The following ARHGEF10L variants were observed in gnomAD, a reference collection of about 807,000 sequenced individuals.
ARHGEF10L encodes the protein rho guanine nucleotide exchange factor 10-like protein.
In ARHGEF10L, 69 loss-of-function variants were observed where a neutral mutation model predicts 141.2. The observed-to-expected ratio is 0.49, with a 90% CI of 0.40 to 0.60. The LOEUF is 0.60. ARHGEF10L is among the 20% of genes least tolerant of loss of function. The pLI is 0.00. For missense variants in ARHGEF10L, 1,482 were observed against 1,734.3 expected (o/e 0.85, Z 2.58); for synonymous variants, 711 against 718.5 (o/e 0.99, Z 0.17).
rs1359623237 is a variant in ARHGEF10L at position 17,621,293 on chromosome 1, C to T, written c.943-571C>T. Among the ~76,000 whole-genome samples the T allele has an allele frequency of 4.6e-5, 7 of 152,078 alleles. No homozygotes were observed. The highest frequency in any genetic ancestry group is 1.9e-4 in the East Asian group (1 of 5,192). On this transcript the variant is annotated intron_variant, in intron 10 of 28. Transcript: ENST00000361221. The surrounding 1 kb of genome is among the most constrained non-coding windows in gnomAD (Gnocchi z 4.1). ...TGTTGCCCAGGCTGGAGTGCAGTGG[C>T]GCGATCTTGGCCCACTGCAACCTCT...
chr1:17,634,622 A>T, intron 17 of ARHGEF10L, 60 bp downstream of exon 17: 1 of 1,598,764 alleles, frequency 6.3e-7, no homozygotes, highest in Non-Finnish European at 8.5e-7. Flanking sequence ...CTCTGGTGCC[A>T]TGTGATTCTG....
At chr1:17,529,299 G>A in the ARHGEF10L span, among the ~76,000 whole-genome samples, 4 of 152,250 alleles carry the variant, frequency 2.6e-5, no homozygotes, top group South Asian at 2.1e-4. Flanking sequence ...CACCACATCC[G>A]GCCAATTAAG....
At position 17,624,516 on chromosome 1, in the gene ARHGEF10L, G is replaced by C. The variant is rs1290351268; in HGVS notation, c.1317+13G>C. The C allele has an allele frequency of 6.2e-7, 1 of 1,607,608 alleles. No individual in the cohort carries two copies. Among genetic ancestry groups the C allele is most frequent in the East Asian group, 2.2e-5 (1 of 44,860 alleles). On this transcript the variant is annotated intron_variant, in intron 13 of 28. Transcript: ENST00000361221. ...CGAGTTCCTCAAGGTGGGCCTCCAT[G>C]GTGGTACCGTGCCTGGTCAGGGTGG...
chr1:17,620,412 G>T (rs2060044389), intron 10 of ARHGEF10L, among the ~76,000 whole-genome samples: 1 of 152,218 alleles, frequency 6.6e-6, no homozygotes. Flanking sequence ...GACCAGGGAA[G>T]CTGCTGAACA....
At chr1:17,667,458 A>G (rs1553233277) in intron 26 of ARHGEF10L, among the ~76,000 whole-genome samples, 1 of 152,222 alleles carries the variant, frequency 6.6e-6, no homozygotes, top group Non-Finnish European at 1.5e-5. Flanking sequence ...GGCCCGAGAC[A>G]GGAAGAAGCC....
chr1:17,686,074 TTTTTTTTC>T (rs1185176266), intron 26 of ARHGEF10L, among the ~76,000 whole-genome samples: 8 of 137,242 alleles, frequency 5.8e-5, no homozygotes, highest in African/African-American at 2.3e-4. Flanking sequence ...TTTTGTTTTG[TTTTTTTTC>T]TTTCTTTCTT....
intron 2 of ARHGEF10L, among the ~76,000 whole-genome samples, chr1:17,584,184 A>G (rs377517255): frequency 1.5e-3 from 226 of 151,880 alleles, no homozygotes; most frequent in African/African-American, 5.3e-3. Context: ...AGCTGGGACT[A>G]CAGGTGTATG....
rs2060134215 is a variant in ARHGEF10L at position 17,621,995 on chromosome 1, GGAGGGTAA to G, written c.1020+55_1020+62del. The G allele has an allele frequency of 1.3e-6, 2 of 1,590,274 alleles. No individual in the cohort carries two copies. The highest frequency in any genetic ancestry group is 2.7e-5 in the African/African-American group (2 of 74,440). On this transcript the variant is annotated intron_variant, in intron 11 of 28. Coordinates refer to ENST00000361221, the MANE Select transcript of ARHGEF10L (RefSeq NM_018125.4). The surrounding 1 kb of genome is among the most constrained non-coding windows in gnomAD (Gnocchi z 4.1). ...TCTGGGGAGAAGCAGGGAGGGCCCT[GGAGGGTAA>G]CTTTATACGGAGTGTTTGGGGACTG...
intron 1 of ARHGEF10L, among the ~76,000 whole-genome samples, chr1:17,567,662 C>G (rs1023987929): frequency 6.6e-6 from 1 of 152,178 alleles, no homozygotes; most frequent in Admixed American, 6.5e-5. Flanking sequence ...ACCACTGTGA[C>G]CAGCCTAGCA....
chr1:17,597,672 G>A (rs1444530461), intron 4 of ARHGEF10L, among the ~76,000 whole-genome samples: 2 of 152,184 alleles, frequency 1.3e-5, no homozygotes, highest in African/African-American at 4.8e-5. Context: ...TCAAACTGCC[G>A]CTGTGCCACT....
rs1484774419 is a variant in ARHGEF10L, at chr1:17,618,248, C to T, written c.836-1091C>T. The T allele has an allele frequency of 2.7e-5, 36 of 1,349,742 alleles. No homozygotes were observed. The East Asian group carries it at 1.0e-3, about 39-fold the overall frequency. The allele number at this position is 1,349,742 out of a possible 1,614,324, so 83.6% of individuals were successfully genotyped here. On this transcript the variant is annotated intron_variant, in intron 9 of 28. Transcript: ENST00000361221. The stretch of plus-strand genomic sequence containing the variant: ...CCAACCCCAGGCTGGCTAGGGCTCT[C>T]CTCAGCCCTCCCCACCCCGCCCACA...
At chr1:17,638,193 G>C (rs376739117) in intron 19 of ARHGEF10L, among the ~76,000 whole-genome samples, 190 bp downstream of exon 19, 1 of 152,354 alleles carries the variant, frequency 6.6e-6, no homozygotes. Context: ...TTTTGCGGCC[G>C]CTGGTTCGGG....
chr1:17,577,981 G>C (rs571313261), intron 1 of ARHGEF10L, among the ~76,000 whole-genome samples: 1 of 152,316 alleles, frequency 6.6e-6, no homozygotes, highest in East Asian at 1.9e-4. Context: ...TGAAGAAAGG[G>C]GAGGACATTG....
chr1:17,598,686 C>T (rs1219579791), intron 4 of ARHGEF10L, among the ~76,000 whole-genome samples: 19 of 151,938 alleles, frequency 1.3e-4, no homozygotes, highest in Admixed American at 1.2e-3. Flanking sequence ...CTTTTTTTGT[C>T]AGGGGAACAC....
chr1:17,668,219 T>G (rs1212584499), intron 26 of ARHGEF10L, among the ~76,000 whole-genome samples: 1 of 152,234 alleles, frequency 6.6e-6, no homozygotes, highest in Non-Finnish European at 1.5e-5. Context: ...TGTCGTTTAT[T>G]TGGAAAATCA....
At chr1:17,576,693 T>G (rs2078239851) in intron 1 of ARHGEF10L, among the ~76,000 whole-genome samples, 1 of 152,144 alleles carries the variant, frequency 6.6e-6, no homozygotes, top group Admixed American at 6.5e-5. Context: ...GAGCGTAGAA[T>G]TCATCACACC....
the ARHGEF10L span, among the ~76,000 whole-genome samples, chr1:17,514,173 G>A: frequency 2.6e-5 from 3 of 116,022 alleles, no homozygotes; most frequent in South Asian, 2.9e-4. Context: ...GTCTCGCTCC[G>A]TTGCCCAGGC....
intron 1 of ARHGEF10L, among the ~76,000 whole-genome samples, chr1:17,570,988 G>A (rs536014231): frequency 9.9e-5 from 15 of 152,218 alleles, no homozygotes; most frequent in African/African-American, 3.1e-4. Flanking sequence ...AGGTGGGTAT[G>A]GGCACGTTAA....
chr1:17,604,632 T>A (rs1474682667), intron 6 of ARHGEF10L: 1 of 152,322 alleles, frequency 6.6e-6, no homozygotes, highest in Admixed American at 6.5e-5. Flanking sequence ...CACTCCTGAC[T>A]CCTGTCTCAG....
Sources: gnomAD v4.1 joint callset for allele counts (sites outside exome capture counted in the v4.1 genomes callset) on GRCh38, gnomAD v4.1.1 for gene constraint, Gnocchi (gnomAD v3.1) non-coding constraint, MANE v1.5 for transcripts, NCBI Gene and HGNC (gene_info 2026-07-23, HGNC 2026-07-21) for gene names.